PACS1: variants seen among roughly 807,000 people sequenced by gnomAD.
The protein encoded by PACS1 is phosphofurin acidic cluster sorting protein 1.
PACS1 carries 24 observed loss-of-function variants against 115.0 expected under a neutral mutation model. The observed-to-expected ratio is 0.21, with a 90% CI of 0.15 to 0.29. The LOEUF (loss-of-function observed/expected upper bound fraction) is 0.29. PACS1 is among the 10% of genes least tolerant of loss of function. The pLI is 1.00. For missense variants in PACS1, 838 were observed against 1,251.2 expected (o/e 0.67, Z 4.98); for synonymous variants, 453 against 504.5 (o/e 0.90, Z 1.37).
intron 1 of PACS1, among the ~76,000 whole-genome samples, chr11:66,169,121 T>G (rs1859680403): frequency 6.6e-6 from 1 of 150,656 alleles, no homozygotes; most frequent in Non-Finnish European, 1.5e-5. Context: ...CCTTGTCTTA[T>G]TCCTAGTTTT....
At chr11:66,076,867 C>G (rs1025997955) in intron 1 of PACS1, among the ~76,000 whole-genome samples, 1 of 152,158 alleles carries the variant, frequency 6.6e-6, no homozygotes, top group African/African-American at 2.4e-5. Flanking sequence ...CAGCACAGGG[C>G]TTGAGGTGAT....
Position 66,070,860 on chromosome 11 carries a change from C to A in PACS1, c.356+18C>A. 1 of 1,437,346 alleles carries A rather than the reference C, an allele frequency of 7.0e-7. No individual in the cohort carries two copies. The highest frequency in any genetic ancestry group is 9.1e-7 in the Non-Finnish European group (1 of 1,104,460). The allele number at this position is 1,437,346 out of a possible 1,614,324, so 89.0% of individuals were successfully genotyped here. ...GTGCCTAGGTGAGCGCGGGAGGGTG[C>A]GGCGGGGCGCCGGGGGAGCGGGGTG... is the stretch of plus-strand genomic sequence containing the variant. On this transcript the variant is annotated intron_variant, in intron 1 of 23. Transcript: ENST00000320580. The surrounding 1 kb of genome is among the most constrained non-coding windows in gnomAD (Gnocchi z 5.9).
intron 1 of PACS1, among the ~76,000 whole-genome samples, chr11:66,171,866 AC>A (rs994153549): frequency 5.9e-5 from 9 of 152,036 alleles, no homozygotes; most frequent in African/African-American, 1.9e-4. Context: ...GGCTTGAGCC[AC>A]CGCGCCCGGC....
intron 1 of PACS1, among the ~76,000 whole-genome samples, chr11:66,189,102 A>G (rs941282972): frequency 6.6e-6 from 1 of 152,200 alleles, no homozygotes; most frequent in Non-Finnish European, 1.5e-5. Flanking sequence ...AGATAATGAA[A>G]TGCATGTCAG....
intron 7 of PACS1, 67 bp downstream of exon 7, chr11:66,216,842 A>G: frequency 9.1e-7 from 1 of 1,104,574 alleles, no homozygotes; most frequent in South Asian, 1.3e-5. Flanking sequence ...TGGCAGCAGC[A>G]TATTCAGGCC....
At chr11:66,183,248 G>T (rs1307113916) in intron 1 of PACS1, among the ~76,000 whole-genome samples, 1 of 152,138 alleles carries the variant, frequency 6.6e-6, no homozygotes, top group Non-Finnish European at 1.5e-5. Flanking sequence ...AACTTCTTCA[G>T]CAGTAAGAAT....
rs1443824340 is a variant in PACS1 at position 66,230,823 on chromosome 11, C to T, written c.1509C>T (p.His503=). The change falls in exon 13 of 24, where the codon CAC becomes CAT. Residue 503 remains histidine (H), a synonymous_variant. Coordinates refer to ENST00000320580, the MANE Select transcript of PACS1 (RefSeq NM_018026.4). ...CTGGCAGCAAAGTGGAGGGGGTGCACACACCCCGGCAGAAGAGGAGCACGC... is the reference window on the plus strand; with the variant it reads ...CTGGCAGCAAAGTGGAGGGGGTGCATACACCCCGGCAGAAGAGGAGCACGC... ...SASPSKVEGV[H]TPRQKRSTPL... is the part of the protein sequence containing the mutation. 6.2e-7 allele frequency: 1 copy of T among 1,614,164 alleles called. No homozygotes were observed. Among genetic ancestry groups the T allele is most frequent in the Non-Finnish European group, 8.5e-7 (1 of 1,179,990 alleles).
At chr11:66,157,421 C>T (rs796906925) in intron 1 of PACS1, among the ~76,000 whole-genome samples, 16 of 147,630 alleles carry the variant, frequency 1.1e-4, no homozygotes, top group African/African-American at 4.0e-4. Context: ...TGTTTTCAGC[C>T]ACATGTGGGC....
Position 66,233,746 on chromosome 11 carries a change from A to ACCCCTGAGCACTGCTATGACGCT in PACS1, c.1839-33_1839-11dup. The ACCCCTGAGCACTGCTATGACGCT allele has an allele frequency of 6.4e-7, 1 of 1,564,824 alleles. No homozygotes were observed. Among genetic ancestry groups the ACCCCTGAGCACTGCTATGACGCT allele is most frequent in the Non-Finnish European group, 8.7e-7 (1 of 1,154,584 alleles). On this transcript the variant is annotated intron_variant, in intron 15 of 23. Transcript: ENST00000320580. The surrounding 1 kb of genome is among the most constrained non-coding windows in gnomAD (Gnocchi z 4.5). The stretch of plus-strand genomic sequence containing the variant: ...GGCCTCCCCCGGGCAGGATCCTGGC[A>ACCCCTGAGCACTGCTATGACGCT]CCCCTGAGCACTGCTATGACGCTCC...
intron 11 of PACS1, 51 bp from the exon 12 acceptor site, chr11:66,230,497 G>T: frequency 7.9e-7 from 1 of 1,270,632 alleles, no homozygotes; most frequent in East Asian, 2.3e-5. Flanking sequence ...AGGCTCCTGG[G>T]TGGTCACTGA....
intron 1 of PACS1, among the ~76,000 whole-genome samples, chr11:66,180,637 G>A (rs151186663): frequency 0.024 from 3,672 of 152,088 alleles, 171 homozygotes; most frequent in African/African-American, 0.084. Flanking sequence ...ACAGGCGTGC[G>A]CCACCGCACC....
At chr11:66,217,673 G>A in intron 7 of PACS1, 1 of 453,818 alleles carries the variant, frequency 2.2e-6, no homozygotes, top group South Asian at 1.6e-5. Flanking sequence ...CTAGGGAGCG[G>A]GAGGACTGTT....
At chr11:66,175,475 C>T (rs1236867416) in intron 1 of PACS1, among the ~76,000 whole-genome samples, 1 of 152,158 alleles carries the variant, frequency 6.6e-6, no homozygotes. Flanking sequence ...CCTGTTCTGT[C>T]TATTTCCTTG....
At chr11:66,184,715 T>A (rs1198491990) in intron 1 of PACS1, among the ~76,000 whole-genome samples, 1 of 152,248 alleles carries the variant, frequency 6.6e-6, no homozygotes, top group Admixed American at 6.5e-5. Context: ...AATTATGCAC[T>A]GTCACGTTTG....
chr11:66,202,737 AAAAAAATATATATATATATAT>A lies in PACS1; in HGVS notation c.445-7623_445-7603del, dbSNP rs1199207454. Among the ~76,000 whole-genome samples, 27 of 67,842 alleles carry A rather than the reference AAAAAAATATATATATATATAT, an allele frequency of 4.0e-4. 3 individuals carry two copies. The highest frequency in any genetic ancestry group is 1.5e-3 in the African/African-American group (27 of 17,768). The allele number at this position is 67,842 out of a possible 152,430, so 44.5% of individuals were successfully genotyped here. On this transcript the variant is annotated intron_variant, in intron 2 of 23. Coordinates refer to ENST00000320580, the MANE Select transcript of PACS1 (RefSeq NM_018026.4). The stretch of plus-strand genomic sequence containing the variant: ...AACCTCATCTCTAGGAAAAAAAAAA[AAAAAAATATATATATATATAT>A]ATATATATATATATATATATATATT...
At chr11:66,207,859 T>C (rs1854979227) in intron 2 of PACS1, among the ~76,000 whole-genome samples, 1 of 152,146 alleles carries the variant, frequency 6.6e-6, no homozygotes, top group Admixed American at 6.5e-5. Flanking sequence ...AACATCTGCC[T>C]CCTAGGCTGA....
chr11:66,233,037 G>A lies in PACS1; in HGVS notation c.1809G>A (p.Leu603=). The A allele has an allele frequency of 3.1e-6, 5 of 1,610,982 alleles. No homozygotes were observed. The highest frequency in any genetic ancestry group is 4.2e-6 in the Non-Finnish European group (5 of 1,179,878). Residue 603 remains leucine (L), a synonymous_variant, in exon 15 of 24, where the codon CTG becomes CTA. Transcript: ENST00000320580. The surrounding 1 kb of genome is among the most constrained non-coding windows in gnomAD (Gnocchi z 4.5). ...CCACCGTGGAGGTCCAGGCCGTGCT[G>A]TCCGCCCTGCTCACCCGGATCCAGC... is the stretch of plus-strand genomic sequence containing the variant. ...TCSTVEVQAV[L]SALLTRIQRY...
chr11:66,109,542 G>A (rs1858138374), intron 1 of PACS1, among the ~76,000 whole-genome samples: 1 of 152,154 alleles, frequency 6.6e-6, no homozygotes, highest in Admixed American at 6.5e-5. Flanking sequence ...CAAGAAGGTA[G>A]TTCCTTCACA....
chr11:66,091,742 G>T (rs1151528), intron 1 of PACS1, among the ~76,000 whole-genome samples: 1 of 150,904 alleles, frequency 6.6e-6, no homozygotes, highest in Non-Finnish European at 1.5e-5. Flanking sequence ...TCATTGTTCA[G>T]TTCCCACCTA....
Sources: allele counts gnomAD v4.1 joint callset (sites outside exome capture counted in the v4.1 genomes callset), GRCh38; gene constraint gnomAD v4.1.1; non-coding constraint Gnocchi (gnomAD v3.1); transcripts MANE v1.5; gene names NCBI Gene and HGNC (gene_info 2026-07-23, HGNC 2026-07-21).